The following CRISPLD2 variants were observed in gnomAD, a reference collection of about 807,000 sequenced individuals.
CRISPLD2 encodes the protein cysteine rich secretory protein LCCL domain containing 2, also known as cysteine-rich secretory protein LCCL domain-containing 2.
A neutral mutation model predicts 71.1 loss-of-function variants in CRISPLD2; 47 were observed. The ratio of observed to expected loss-of-function variants is 0.66; its 90% CI spans 0.52 to 0.84. The LOEUF (loss-of-function observed/expected upper bound fraction) is 0.84. Among genes scored for constraint, CRISPLD2 ranks in the 40% least tolerant of loss-of-function variants. CRISPLD2 has a pLI of 0.00. For synonymous variants in CRISPLD2, 317 were observed against 250.1 expected, an observed-to-expected ratio of 1.27 and a Z score of -2.52; for missense variants, 830 against 651.1, an observed-to-expected ratio of 1.27 and a Z score of -2.99.
At chr16:84,895,340 A>G (rs1425642583) in intron 14 of CRISPLD2, among the ~76,000 whole-genome samples, 1 of 152,088 alleles carries the variant, frequency 6.6e-6, no homozygotes, top group Non-Finnish European at 1.5e-5. Context: ...TGGGGCACAG[A>G]CCCTTCCCAA....
At position 84,906,609 on chromosome 16, in the gene CRISPLD2, A is replaced by G; in HGVS notation, c.1461A>G (p.Gly487=). Residue 487 remains glycine, a synonymous_variant, in exon 15 of 15, where the codon GGA becomes GGG. Coordinates refer to ENST00000262424, the MANE Select transcript of CRISPLD2 (RefSeq NM_031476.4). Reference sequence around the variant, plus strand: ...TCAGCCTGGGGACTCCTCGGGATGGAAAGGCCTTCCGGATCTTTGCTGTCA... The same window carrying G: ...TCAGCCTGGGGACTCCTCGGGATGGGAAGGCCTTCCGGATCTTTGCTGTCA... ...QSESLGTPRD[G]KAFRIFAVRQ The G allele has an allele frequency of 6.2e-7, 1 of 1,613,486 alleles. No individual in the cohort carries two copies. Among genetic ancestry groups the G allele is most frequent in the South Asian group, 1.1e-5 (1 of 91,040 alleles).
At chr16:84,904,420 C>T (rs1270337910) in intron 14 of CRISPLD2, among the ~76,000 whole-genome samples, 1 of 151,918 alleles carries the variant, frequency 6.6e-6, no homozygotes, top group African/African-American at 2.4e-5. Flanking sequence ...CCCATCTCTG[C>T]TAAAAATACA....
At chr16:84,862,213 T>C (rs762643644) in intron 6 of CRISPLD2, among the ~76,000 whole-genome samples, 4 of 151,800 alleles carry the variant, frequency 2.6e-5, no homozygotes, top group Non-Finnish European at 5.9e-5. Context: ...CTAGTTCACC[T>C]TTTTTTTGAG....
chr16:84,888,100 G>T (rs910849690), intron 13 of CRISPLD2, among the ~76,000 whole-genome samples: 2 of 152,182 alleles, frequency 1.3e-5, no homozygotes, highest in Non-Finnish European at 2.9e-5. Flanking sequence ...GTCCAATGTG[G>T]GTGTCACCAG....
chr16:84,829,814 T>A (rs1201017162), intron 1 of CRISPLD2, among the ~76,000 whole-genome samples: 1 of 152,252 alleles, frequency 6.6e-6, no homozygotes, highest in East Asian at 1.9e-4. Flanking sequence ...ATTGTCACAG[T>A]GGCCTCATCA....
At position 84,849,403 on chromosome 16, in the gene CRISPLD2, C is replaced by G; in HGVS notation, c.378C>G (p.Phe126Leu). ...CCTGCAGGTATCGCTCTCCGGGGTT[C>G]CATGTGCAGTCCTGGTATGACGAGG... ...AHWGRYRSPGFHVQSWYDEVK... is the reference protein window; with the variant it reads ...AHWGRYRSPGLHVQSWYDEVK... The change falls in exon 4 of 15, where the codon TTC (phenylalanine) becomes TTG (leucine). Residue 126 changes from phenylalanine to leucine, a missense_variant. By Grantham distance (22) the Phe-to-Leu change is conservative. Coordinates refer to ENST00000262424, the MANE Select transcript of CRISPLD2 (RefSeq NM_031476.4). 6.2e-7 allele frequency: 1 copy of G among 1,613,896 alleles called. No individual in the cohort carries two copies. Among genetic ancestry groups the G allele is most frequent in the Non-Finnish European group, 8.5e-7 (1 of 1,179,830 alleles).
rs893075191 is a variant in CRISPLD2, at chr16:84,907,978, C to A, written c.*1336C>A. 2.0e-5 allele frequency: 3 copies of A among 152,114 alleles called. No homozygotes were observed. The highest frequency in any genetic ancestry group is 2.9e-5 in the Non-Finnish European group (2 of 68,030). The allele number at this position is 152,114 out of a possible 1,614,324, so 9.4% of individuals were successfully genotyped here. A position where few individuals can be genotyped will look rare whatever the true frequency, so the allele number is the denominator to read the frequency against. On this transcript the variant is annotated 3_prime_UTR_variant, in exon 15 of 15. Transcript: ENST00000262424. ...CATTTTTTTGCAGAAGGTGAAAATT[C>A]CACTCTCTACCACCGGGCCAGCCAA...
In CRISPLD2 at chr16:84,873,138, T is replaced by G. The variant is rs759853821; in HGVS notation, c.1112+16T>G. 5 of 1,606,048 alleles carry G rather than the reference T, an allele frequency of 3.1e-6. No homozygotes were observed. In the East Asian group the frequency reaches 1.1e-4, roughly 36 times the overall value. On this transcript the variant is annotated intron_variant, in intron 10 of 14. Transcript: ENST00000262424. ...AGTCCCTCAGGTAACTACTCTGTGA[T>G]CGGGGCTCTGTGAAACGGTTTTCCT...
At chr16:84,900,084 C>G (rs1391745377) in intron 14 of CRISPLD2, among the ~76,000 whole-genome samples, 2 of 152,132 alleles carry the variant, frequency 1.3e-5, no homozygotes, top group East Asian at 3.9e-4. Context: ...CCCCTGGCCA[C>G]TCTTTCTCCT....
intron 14 of CRISPLD2, among the ~76,000 whole-genome samples, chr16:84,903,547 A>G (rs924895493): frequency 6.6e-6 from 1 of 151,148 alleles, no homozygotes; most frequent in Admixed American, 6.6e-5. Context: ...AGCCGAGATC[A>G]CACCGTTGCA....
At position 84,906,628 on chromosome 16, in the gene CRISPLD2, G is replaced by C; in HGVS notation, c.1480G>C (p.Ala494Pro). 6.2e-7 allele frequency: 1 copy of C among 1,613,998 alleles called. No individual in the cohort carries two copies. The highest frequency in any genetic ancestry group is 1.1e-5 in the South Asian group (1 of 91,068). ...PRDGKAFRIF[A>P]VRQ The stretch of plus-strand genomic sequence containing the variant: ...GGATGGAAAGGCCTTCCGGATCTTT[G>C]CTGTCAGGCAGTGAATTTCCAGCAC... The change falls in exon 15 of 15, where the codon GCT becomes CCT. Residue 494 changes from alanine (A) to proline (P), a missense_variant. Ala to Pro is a conservative substitution (Grantham distance 27, BLOSUM62 -1). Coordinates refer to ENST00000262424, the MANE Select transcript of CRISPLD2 (RefSeq NM_031476.4).
intron 13 of CRISPLD2, among the ~76,000 whole-genome samples, 159 bp from the exon 14 acceptor site, chr16:84,889,071 A>AC (rs1321259108): frequency 6.6e-6 from 1 of 151,890 alleles, no homozygotes; most frequent in African/African-American, 2.4e-5. Context: ...CTCTGGAGAG[A>AC]CCCCCAAGGC....
chr16:84,838,001 C>A (rs1916668027), intron 1 of CRISPLD2, among the ~76,000 whole-genome samples: 2 of 152,168 alleles, frequency 1.3e-5, no homozygotes, highest in African/African-American at 4.8e-5. Flanking sequence ...TAGAAGTTTG[C>A]TCTCAACGTT....
rs150051411 is a variant in CRISPLD2, at chr16:84,892,318, G to A, written c.1439+2955G>A. ...CTCGGGGGCATCGTGCTGCATGCTC[G>A]ACTGTGACAGCTGCCGTTCTAAGAG... On this transcript the variant is annotated intron_variant, in intron 14 of 14. Coordinates refer to ENST00000262424, the MANE Select transcript of CRISPLD2 (RefSeq NM_031476.4). 1.7e-3 allele frequency among the ~76,000 whole-genome samples: 265 copies of A among 152,358 alleles called. 1 individual carries two copies. Among genetic ancestry groups the A allele is most frequent in the Non-Finnish European group, 2.5e-3 (170 of 68,034 alleles).
At position 84,838,444 on chromosome 16, in the gene CRISPLD2, C is replaced by A; in HGVS notation, c.-52C>A. ...CAGAGCTCAAGCGCCCAGCTCTGCC[C>A]GAGGAGCCCAGGCTGCCCCGTGAGT... is the stretch of plus-strand genomic sequence containing the variant. On this transcript the variant is annotated 5_prime_UTR_variant, in exon 2 of 15. Coordinates refer to ENST00000262424, the MANE Select transcript of CRISPLD2 (RefSeq NM_031476.4). 6.3e-7 allele frequency: 1 copy of A among 1,585,150 alleles called. No individual in the cohort carries two copies. Among genetic ancestry groups the A allele is most frequent in the Non-Finnish European group, 8.6e-7 (1 of 1,164,160 alleles).
At chr16:84,845,693 A>C (rs1597454460) in intron 2 of CRISPLD2, 93 bp from the exon 3 acceptor site, 1 of 856,108 alleles carries the variant, frequency 1.2e-6, no homozygotes. Context: ...TGTAGGCTCC[A>C]CAGGAGCCCA....
At chr16:84,871,731 T>TA (rs1330547962) in intron 8 of CRISPLD2, among the ~76,000 whole-genome samples, 1 of 151,954 alleles carries the variant, frequency 6.6e-6, no homozygotes, top group African/African-American at 2.4e-5. Context: ...TTTATATTTT[T>TA]AGTAGAGATG....
chr16:84,863,485 C>G lies in CRISPLD2; in HGVS notation c.710-3412C>G, dbSNP rs183088442. On this transcript the variant is annotated intron_variant, in intron 6 of 14. Transcript: ENST00000262424. ...ATAAGGATATAAAAAAAGAGGTATT[C>G]TCCCCTCTCACCCCCACCTGTGTGG... 1.5e-3 allele frequency among the ~76,000 whole-genome samples: 233 copies of G among 152,302 alleles called. 1 individual carries two copies. The highest frequency in any genetic ancestry group is 5.1e-3 in the African/African-American group (210 of 41,576).
At chr16:84,894,703 A>G (rs968595197) in intron 14 of CRISPLD2, among the ~76,000 whole-genome samples, 1 of 152,208 alleles carries the variant, frequency 6.6e-6, no homozygotes, top group South Asian at 2.1e-4. Context: ...TTCAGTATGT[A>G]ATCAATAGAA....
Sources: allele counts gnomAD v4.1 joint callset (sites outside exome capture counted in the v4.1 genomes callset), GRCh38; gene constraint gnomAD v4.1.1; transcripts MANE v1.5; gene names NCBI Gene and HGNC (gene_info 2026-07-23, HGNC 2026-07-21).